Variants in RNF150 observed in about 807,000 individuals in gnomAD.
RNF150 encodes the protein ring finger protein 150.
Under a neutral mutation model 39.3 loss-of-function variants are expected in RNF150, and 24 were observed. That is an observed-to-expected ratio of 0.61 (90% CI 0.44 to 0.86). The LOEUF is 0.86. RNF150 is among the 40% of genes least tolerant of loss of function. RNF150 has a pLI of 0.00. For missense variants in RNF150, 502 were observed against 587.8 expected, an observed-to-expected ratio of 0.85 and a Z score of 1.51; for synonymous variants, 255 against 227.3, an observed-to-expected ratio of 1.12 and a Z score of -1.10.
chr4:141,024,953 A>T (rs569690862), intron 1 of RNF150, among the ~76,000 whole-genome samples: 1 of 152,336 alleles, frequency 6.6e-6, no homozygotes, highest in South Asian at 2.1e-4. Flanking sequence ...ATAACATCTC[A>T]ATGCAAAAGT....
intron 6 of RNF150, among the ~76,000 whole-genome samples, chr4:140,874,523 A>T (rs552431025): frequency 6.6e-6 from 1 of 152,254 alleles, no homozygotes; most frequent in Non-Finnish European, 1.5e-5. Context: ...TAATAACAGT[A>T]TTAATGCTTA....
At chr4:140,989,817 A>G (rs969066796) in intron 1 of RNF150, among the ~76,000 whole-genome samples, 2 of 152,050 alleles carry the variant, frequency 1.3e-5, no homozygotes, top group Non-Finnish European at 2.9e-5. Flanking sequence ...TCTGAAGATG[A>G]TAGTACTTGC....
chr4:141,146,217 A>G (rs1177337503), intron 1 of RNF150, among the ~76,000 whole-genome samples: 2 of 152,230 alleles, frequency 1.3e-5, no homozygotes, highest in South Asian at 2.1e-4. Flanking sequence ...TTTAAAATTC[A>G]TGTCACATTG....
chr4:141,124,671 T>C (rs967014336), intron 1 of RNF150, among the ~76,000 whole-genome samples: 2 of 151,998 alleles, frequency 1.3e-5, no homozygotes, highest in Non-Finnish European at 2.9e-5. Context: ...TGACAATCCC[T>C]CCAAAAAACC....
At chr4:140,876,197 G>A (rs746745075) in intron 6 of RNF150, among the ~76,000 whole-genome samples, 25 of 152,106 alleles carry the variant, frequency 1.6e-4, no homozygotes, top group Non-Finnish European at 2.9e-4. Context: ...TGAAAATAGG[G>A]CATAATTTCC....
At position 140,999,969 on chromosome 4, in the gene RNF150, G is replaced by GAAGAAGAA. The variant is rs71985732; in HGVS notation, c.485-32104_485-32097dup. ...AGAAGAAGAAGAAGAAGAAGAAGAA[G>GAAGAAGAA]AAGAAGAAAAGAAGAAAAGAAGAAA... On this transcript the variant is annotated intron_variant, in intron 1 of 6. Transcript: ENST00000515673. Among the ~76,000 whole-genome samples, 28 of 31,048 alleles carry GAAGAAGAA rather than the reference G, an allele frequency of 9.0e-4. 3 individuals are homozygous for GAAGAAGAA. The highest frequency in any genetic ancestry group is 3.2e-3 in the Admixed American group (5 of 1,544). The allele number at this position is 31,048 out of a possible 152,430, so 20.4% of individuals were successfully genotyped here. A position where few individuals can be genotyped will look rare whatever the true frequency, so the allele number is the denominator to read the frequency against.
intron 1 of RNF150, among the ~76,000 whole-genome samples, chr4:141,079,205 G>T (rs1009480084): frequency 1.3e-5 from 2 of 152,102 alleles, no homozygotes; most frequent in African/African-American, 4.8e-5. Flanking sequence ...GAAGAGGTCA[G>T]GTCTTTTGGC....
At chr4:141,079,436 A>T (rs1560726909) in intron 1 of RNF150, among the ~76,000 whole-genome samples, 1 of 152,186 alleles carries the variant, frequency 6.6e-6, no homozygotes, top group Admixed American at 6.5e-5. Context: ...GTAGAGTAAG[A>T]CTGCCTGGGC....
In RNF150 at chr4:140,973,874, TA is replaced by T. The variant is rs566506401; in HGVS notation, c.485-6002del. Among the ~76,000 whole-genome samples the T allele has an allele frequency of 4.5e-3, 497 of 110,508 alleles. 3 individuals carry two copies. The highest frequency in any genetic ancestry group is 0.012 in the African/African-American group (338 of 28,608). The allele number at this position is 110,508 out of a possible 152,430, so 72.5% of individuals were successfully genotyped here. A position where few individuals can be genotyped will look rare whatever the true frequency, so the allele number is the denominator to read the frequency against. Reference sequence around the variant, plus strand: ...CCTGGGTGACAAGTGAGACTCTGTTTAAAAAAAAAAAAAAAAAAAAAAAGAA... The same window carrying T: ...CCTGGGTGACAAGTGAGACTCTGTTTAAAAAAAAAAAAAAAAAAAAAAGAA... On this transcript the variant is annotated intron_variant, in intron 1 of 6. Coordinates refer to ENST00000515673, the MANE Select transcript of RNF150 (RefSeq NM_020724.2).
chr4:141,110,583 AT>A (rs1456859489), intron 1 of RNF150, among the ~76,000 whole-genome samples: 1 of 149,656 alleles, frequency 6.7e-6, no homozygotes, highest in Admixed American at 6.6e-5. Context: ...CTAATTTTTA[AT>A]TTTTTTTTAA....
chr4:141,168,297 A>G (rs2111168471), intron 1 of RNF150, among the ~76,000 whole-genome samples: 1 of 152,306 alleles, frequency 6.6e-6, no homozygotes, highest in African/African-American at 2.4e-5. Flanking sequence ...AGAAAACAAC[A>G]TATGTTGGAG....
intron 1 of RNF150, among the ~76,000 whole-genome samples, chr4:141,053,965 C>T (rs1736875670): frequency 6.6e-6 from 1 of 152,088 alleles, no homozygotes; most frequent in Non-Finnish European, 1.5e-5. Flanking sequence ...TTTTTCTTCA[C>T]TCCTTCTAAA....
intron 2 of RNF150, among the ~76,000 whole-genome samples, chr4:140,964,756 GA>G (rs961163514): frequency 6.6e-6 from 1 of 151,776 alleles, no homozygotes; most frequent in African/African-American, 2.4e-5. Context: ...AAATAAACAT[GA>G]AAAGAGTAAA....
chr4:141,061,820 A>G (rs573136417), intron 1 of RNF150, among the ~76,000 whole-genome samples: 3 of 152,300 alleles, frequency 2.0e-5, no homozygotes, highest in African/African-American at 4.8e-5. Context: ...GATTTAACTT[A>G]TAGCATATTC....
At chr4:140,937,756 C>T (rs1731914495) in intron 4 of RNF150, among the ~76,000 whole-genome samples, 1 of 151,576 alleles carries the variant, frequency 6.6e-6, no homozygotes, top group East Asian at 1.9e-4. Context: ...TTTTTGTTTA[C>T]TTCTTTATAC....
At chr4:140,999,985 A>G (rs1434898333) in intron 1 of RNF150, among the ~76,000 whole-genome samples, 1 of 39,006 alleles carries the variant, frequency 2.6e-5, no homozygotes, top group East Asian at 7.3e-4. Flanking sequence ...GAAAAGAAGA[A>G]AAGAAGAAAA....
chr4:141,205,316 C>T (rs946534113), intron 1 of RNF150, among the ~76,000 whole-genome samples: 3 of 151,944 alleles, frequency 2.0e-5, no homozygotes, highest in Admixed American at 6.6e-5. Flanking sequence ...AACTTGAGGA[C>T]CTAAGATGAT....
At chr4:141,068,011 T>C (rs1462513375) in intron 1 of RNF150, among the ~76,000 whole-genome samples, 2 of 152,016 alleles carry the variant, frequency 1.3e-5, no homozygotes, top group African/African-American at 4.8e-5. Context: ...AGTGGCATGA[T>C]TTTGGCTCAC....
chr4:140,868,207 C>T lies in RNF150; in HGVS notation c.*54G>A, dbSNP rs529472661. 1.9e-6 allele frequency: 2 copies of T among 1,048,010 alleles called. No homozygotes were observed. Among genetic ancestry groups the T allele is most frequent in the African/African-American group, 3.1e-5 (2 of 64,224 alleles). The allele number at this position is 1,048,010 out of a possible 1,614,324, so 64.9% of individuals were successfully genotyped here. On this transcript the variant is annotated 3_prime_UTR_variant, in exon 7 of 7. Transcript: ENST00000515673. ...TGCCTGGTCCAAGTCTTGGAGCACT[C>T]TTCCCTTCCTTTCCCTTGGGTCCTA...
Sources: gnomAD v4.1 joint callset for allele counts (sites outside exome capture counted in the v4.1 genomes callset) on GRCh38, gnomAD v4.1.1 for gene constraint, MANE v1.5 for transcripts, NCBI Gene and HGNC (gene_info 2026-07-23, HGNC 2026-07-21) for gene names.